KDM5B: variants seen among roughly 807,000 people sequenced by gnomAD.
The protein encoded by KDM5B is lysine demethylase 5B, also known as lysine-specific demethylase 5B.
Under a neutral mutation model 193.4 loss-of-function variants are expected in KDM5B, and 144 were observed. The observed-to-expected ratio is 0.74, with a 90% CI of 0.65 to 0.86. The LOEUF (loss-of-function observed/expected upper bound fraction) is 0.86, where lower values mean the gene tolerates loss of function less well. KDM5B is among the 40% of genes least tolerant of loss of function. KDM5B has a pLI of 0.00. For missense variants in KDM5B, 1,833 were observed against 1,886.9 expected (o/e 0.97, Z 0.53); for synonymous variants, 668 against 682.6 (o/e 0.98, Z 0.33).
chr1:202,794,766 C>A (rs1418954920), intron 1 of KDM5B, among the ~76,000 whole-genome samples: 1 of 152,156 alleles, frequency 6.6e-6, no homozygotes, highest in Non-Finnish European at 1.5e-5. Context: ...CATTCCAAGA[C>A]CCCCAGTGGA....
intron 1 of KDM5B, among the ~76,000 whole-genome samples, chr1:202,789,536 G>T (rs1265798623): frequency 6.8e-6 from 1 of 147,216 alleles, no homozygotes; most frequent in African/African-American, 2.5e-5. Context: ...GACTCCACAG[G>T]AAAGGGAAAG....
At chr1:202,734,053 G>A (rs1655001404) in intron 22 of KDM5B, among the ~76,000 whole-genome samples, 167 bp from the exon 23 acceptor site, 1 of 152,074 alleles carries the variant, frequency 6.6e-6, no homozygotes, top group Admixed American at 6.6e-5. Context: ...GTATTCCATT[G>A]TGGCTAAATT....
chr1:202,729,326 AGCTG>A (rs1383573951), intron 26 of KDM5B, 153 bp from the exon 27 acceptor site: 1 of 782,840 alleles, frequency 1.3e-6, no homozygotes, highest in East Asian at 2.7e-5. Flanking sequence ...AAATGAGTGT[AGCTG>A]GCCCCCTAGC....
chr1:202,738,441 A>G (rs779431199), intron 20 of KDM5B, among the ~76,000 whole-genome samples: 7 of 152,244 alleles, frequency 4.6e-5, no homozygotes, highest in Non-Finnish European at 8.8e-5. Context: ...GTTTATGTCC[A>G]TAGTAAATAC....
intron 1 of KDM5B, among the ~76,000 whole-genome samples, chr1:202,788,712 T>C (rs1005899363): frequency 1.3e-5 from 2 of 152,212 alleles, no homozygotes; most frequent in Non-Finnish European, 2.9e-5. Flanking sequence ...CTACATCAAT[T>C]ATAATTGGTG....
At chr1:202,751,234 A>G (rs1311942686) in intron 12 of KDM5B, among the ~76,000 whole-genome samples, 1 of 152,022 alleles carries the variant, frequency 6.6e-6, no homozygotes, top group Non-Finnish European at 1.5e-5. Flanking sequence ...CCCCAAAAGT[A>G]CCTATATTGC....
chr1:202,779,403 C>T (rs1411186039), intron 1 of KDM5B, among the ~76,000 whole-genome samples: 2 of 151,392 alleles, frequency 1.3e-5, no homozygotes, highest in Admixed American at 6.6e-5. Context: ...GGTGTGAACC[C>T]GGGAGGCGGA....
intron 7 of KDM5B, among the ~76,000 whole-genome samples, chr1:202,761,315 C>T (rs1045410707): frequency 9.2e-5 from 14 of 152,014 alleles, no homozygotes; most frequent in African/African-American, 3.4e-4. Flanking sequence ...CATGGTGGTG[C>T]ACACCTGTGG....
intron 7 of KDM5B, among the ~76,000 whole-genome samples, chr1:202,762,276 G>A (rs746669429): frequency 4.2e-5 from 6 of 144,126 alleles, no homozygotes; most frequent in Non-Finnish European, 7.6e-5. Flanking sequence ...TCTCTTTTTT[G>A]TTCCTTCTTT....
At chr1:202,786,244 A>G (rs1428305873) in intron 1 of KDM5B, among the ~76,000 whole-genome samples, 1 of 151,552 alleles carries the variant, frequency 6.6e-6, no homozygotes, top group Admixed American at 6.6e-5. Context: ...TCCTGGCCTC[A>G]AGCAATCCTT....
chr1:202,779,206 A>C (rs991535258), intron 1 of KDM5B, among the ~76,000 whole-genome samples: 3 of 152,144 alleles, frequency 2.0e-5, no homozygotes, highest in African/African-American at 7.2e-5. Flanking sequence ...ACTCAATTTT[A>C]TACCAAGTTT....
chr1:202,735,185 A>C (rs1655046328), intron 22 of KDM5B, among the ~76,000 whole-genome samples: 1 of 152,222 alleles, frequency 6.6e-6, no homozygotes, highest in South Asian at 2.1e-4. Flanking sequence ...CACAGGCACT[A>C]AACAAGACTG....
intron 1 of KDM5B, among the ~76,000 whole-genome samples, chr1:202,792,034 A>T (rs910362868): frequency 3.3e-5 from 5 of 152,206 alleles, no homozygotes; most frequent in African/African-American, 1.2e-4. Flanking sequence ...CATATCAATA[A>T]TAAGTACTGA....
chr1:202,730,396 T>C (rs1238261845), intron 25 of KDM5B, among the ~76,000 whole-genome samples: 1 of 152,180 alleles, frequency 6.6e-6, no homozygotes, highest in Non-Finnish European at 1.5e-5. Flanking sequence ...GGTGTTTATG[T>C]CTATCCTGTG....
chr1:202,799,284 T>G (rs939603557), intron 1 of KDM5B, among the ~76,000 whole-genome samples: 1 of 152,038 alleles, frequency 6.6e-6, no homozygotes, highest in Non-Finnish European at 1.5e-5. Flanking sequence ...GATTGAAGAC[T>G]CTACCCACCT....
chr1:202,750,421 G>A (rs2102250937), intron 13 of KDM5B, among the ~76,000 whole-genome samples: 1 of 152,174 alleles, frequency 6.6e-6, no homozygotes, highest in East Asian at 1.9e-4. Flanking sequence ...TGGGATTACA[G>A]GCGCCCACCG....
chr1:202,724,784 G>C lies in KDM5B; in HGVS notation c.*4252C>G, dbSNP rs1312636659. The C allele has an allele frequency of 6.6e-6, 1 of 152,164 alleles. No individual in the cohort carries two copies. Among genetic ancestry groups the C allele is most frequent in the African/African-American group, 2.4e-5 (1 of 41,428 alleles). 9.4% of individuals were successfully genotyped at this position (152,164 alleles called of 1,614,324 possible). A position where few individuals can be genotyped will look rare whatever the true frequency, so the allele number is the denominator to read the frequency against. On this transcript the variant is annotated 3_prime_UTR_variant, in exon 27 of 27. Coordinates refer to ENST00000367265, the MANE Select transcript of KDM5B (RefSeq NM_006618.5). ...TGTGTTCACAGCAGAATCACAGTCA[G>C]TGAGAACGTATTGGCAAGGGCAGAA... is the stretch of plus-strand genomic sequence containing the variant.
rs34994129 is a variant in KDM5B, at chr1:202,798,300, CTTTT to C, written c.204+9798_204+9801del. Among the ~76,000 whole-genome samples, 5 of 131,364 alleles carry C rather than the reference CTTTT, an allele frequency of 3.8e-5. No homozygotes were observed. The East Asian group carries it at 6.4e-4, about 17-fold the overall frequency. 86.2% of individuals were successfully genotyped at this position (131,364 alleles called of 152,430 possible). A position where few individuals can be genotyped will look rare whatever the true frequency, so the allele number is the denominator to read the frequency against. Reference sequence around the variant, plus strand: ...TTTTTTTTGTTCGATTGGTTTTTGTCTTTTTTTTTTTTTTTTGTACAGATAGGGT... The same window carrying C: ...TTTTTTTTGTTCGATTGGTTTTTGTCTTTTTTTTTTTTGTACAGATAGGGT... On this transcript the variant is annotated intron_variant, in intron 1 of 26. Coordinates refer to ENST00000367265, the MANE Select transcript of KDM5B (RefSeq NM_006618.5).
intron 13 of KDM5B, among the ~76,000 whole-genome samples, chr1:202,749,707 G>T (rs7553104): frequency 0.67 from 101,842 of 151,150 alleles, 36,892 homozygotes; most frequent in Admixed American, 0.82. Flanking sequence ...AACAATGTAT[G>T]AGTATCTACA....
Sources: gnomAD v4.1 joint callset for allele counts (sites outside exome capture counted in the v4.1 genomes callset) on GRCh38, gnomAD v4.1.1 for gene constraint, MANE v1.5 for transcripts, NCBI Gene and HGNC (gene_info 2026-07-23, HGNC 2026-07-21) for gene names.